Variants in SLC38A1 observed in about 807,000 individuals in gnomAD.
SLC38A1 encodes solute carrier family 38 member 1, also known as sodium-coupled neutral amino acid symporter 1.
A neutral mutation model predicts 60.3 loss-of-function variants in SLC38A1; 18 were observed. That is an observed-to-expected ratio of 0.30 (90% confidence interval 0.21 to 0.44). SLC38A1 has a LOEUF of 0.44. SLC38A1 is among the 20% of genes least tolerant of loss of function. SLC38A1 has a pLI of 1.00. For missense variants in SLC38A1, 448 were observed against 587.2 expected (o/e 0.76, Z 2.45); for synonymous variants, 196 against 212.1 (o/e 0.92, Z 0.66).
intron 5 of SLC38A1, among the ~76,000 whole-genome samples, chr12:46,222,514 G>A (rs572320062): frequency 6.6e-6 from 1 of 152,210 alleles, no homozygotes; most frequent in East Asian, 1.9e-4. Flanking sequence ...CAGTAACATA[G>A]TGCTACACAC....
chr12:46,262,060 G>C (rs1275034660), intron 1 of SLC38A1, among the ~76,000 whole-genome samples: 1 of 152,216 alleles, frequency 6.6e-6, no homozygotes, highest in Non-Finnish European at 1.5e-5. Context: ...GCTCACAGGG[G>C]ATGAGTATGG....
Position 46,197,754 on chromosome 12 carries a change from T to A in SLC38A1, c.1328A>T (p.Asp443Val), listed in dbSNP as rs780359330. 1.9e-6 allele frequency: 3 copies of A among 1,602,812 alleles called. No individual in the cohort carries two copies. In the South Asian group the frequency reaches 3.4e-5, roughly 18 times the overall value. The change falls in exon 16 of 17, where the codon GAC (aspartate) becomes GTC (valine). Residue 443 changes from aspartate (D) to valine (V), a missense_variant. Asp to Val is a radical substitution (Grantham distance 152, BLOSUM62 -3). This residue lies in a region of SLC38A1 where 346 missense variants were observed against 497.5 expected (regional missense o/e 0.70). Transcript: ENST00000398637. Reference protein sequence around the residue: ...LPSSLYLKITDQDGDKGTQRI... With the variant: ...LPSSLYLKITVQDGDKGTQRI... Reference sequence around the variant, plus strand: ...TTGAGTTCCTTTATCTCCATCCTGGTCTGTGATTTTTAAATAAAGAGATGA... The same window carrying A: ...TTGAGTTCCTTTATCTCCATCCTGGACTGTGATTTTTAAATAAAGAGATGA...
At chr12:46,232,577 C>CT (rs1409489035) in intron 3 of SLC38A1, among the ~76,000 whole-genome samples, 1 of 152,232 alleles carries the variant, frequency 6.6e-6, no homozygotes, top group African/African-American at 2.4e-5. Flanking sequence ...GCAGCCTTCC[C>CT]TTTCACACAG....
At chr12:46,213,519 G>C (rs1273187438) in intron 5 of SLC38A1, among the ~76,000 whole-genome samples, 4 of 152,178 alleles carry the variant, frequency 2.6e-5, no homozygotes, top group Non-Finnish European at 5.9e-5. Flanking sequence ...AAGACCATCT[G>C]GAAATGGCCC....
At position 46,239,662 on chromosome 12, in the gene SLC38A1, A is replaced by G. The variant is rs774571119; in HGVS notation, c.122+17T>C. 1.2e-6 allele frequency: 2 copies of G among 1,613,180 alleles called. No individual in the cohort carries two copies. The highest frequency in any genetic ancestry group is 1.1e-5 in the South Asian group (1 of 91,054). On this transcript the variant is annotated intron_variant, in intron 3 of 16. Coordinates refer to ENST00000398637, the MANE Select transcript of SLC38A1 (RefSeq NM_030674.4). ...ATTTCTTTCACTGGATAGAAATGTT[A>G]GTGGAAAAATACTCACCTATTTATC...
chr12:46,261,381 A>G (rs1337581153), intron 1 of SLC38A1, among the ~76,000 whole-genome samples: 1 of 152,238 alleles, frequency 6.6e-6, no homozygotes, highest in Admixed American at 6.5e-5. Context: ...CTCATATTTC[A>G]GTAATCTTTT....
Position 46,184,451 on chromosome 12 carries a change from T to A in SLC38A1, c.*4519A>T, listed in dbSNP as rs1023145128. 2.6e-5 allele frequency: 4 copies of A among 152,176 alleles called. No homozygotes were observed. Among genetic ancestry groups the A allele is most frequent in the African/African-American group, 9.7e-5 (4 of 41,440 alleles). The allele number at this position is 152,176 out of a possible 1,614,324, so 9.4% of individuals were successfully genotyped here. Reference sequence around the variant, plus strand: ...ATATTCTTAAAGTTTACACCCCCTATAAGCCTAAAGCCATTTAAATTGATA... The same window carrying A: ...ATATTCTTAAAGTTTACACCCCCTAAAAGCCTAAAGCCATTTAAATTGATA... On this transcript the variant is annotated 3_prime_UTR_variant, in exon 17 of 17. Transcript: ENST00000398637.
chr12:46,257,692 C>T lies in SLC38A1; in HGVS notation c.-209+10834G>A, dbSNP rs111655817. On this transcript the variant is annotated intron_variant, in intron 1 of 16. Transcript: ENST00000398637. ...GGTGGCCAGAAAGATGTCACAGGAC[C>T]CCACCACTTACCCAAAGCTAGCCTT... Among the ~76,000 whole-genome samples the T allele has an allele frequency of 1.5e-3, 232 of 152,242 alleles. 2 individuals are homozygous for T. Among genetic ancestry groups the T allele is most frequent in the African/African-American group, 5.1e-3 (213 of 41,534 alleles).
chr12:46,236,133 A>G (rs1309238813), intron 3 of SLC38A1, among the ~76,000 whole-genome samples: 2 of 152,210 alleles, frequency 1.3e-5, no homozygotes, highest in Non-Finnish European at 2.9e-5. Context: ...TATTTTCACA[A>G]TAATTATATG....
intron 1 of SLC38A1, among the ~76,000 whole-genome samples, chr12:46,262,604 C>G (rs1184244301): frequency 6.6e-6 from 1 of 152,092 alleles, no homozygotes; most frequent in Non-Finnish European, 1.5e-5. Context: ...TATTTCTGAT[C>G]AAGGATTGCT....
intron 1 of SLC38A1, among the ~76,000 whole-genome samples, chr12:46,266,206 G>A (rs1394691991): frequency 1.3e-5 from 2 of 152,142 alleles, no homozygotes; most frequent in East Asian, 1.9e-4. Context: ...CTGGACATTA[G>A]AGGAACAATG....
chr12:46,255,711 T>C (rs1015356851), intron 1 of SLC38A1, among the ~76,000 whole-genome samples: 7 of 152,236 alleles, frequency 4.6e-5, no homozygotes, highest in Admixed American at 4.6e-4. Context: ...GGGATTTTAA[T>C]TATGTACTAG....
intron 16 of SLC38A1, among the ~76,000 whole-genome samples, chr12:46,194,501 C>G (rs1939281134): frequency 6.6e-6 from 1 of 152,176 alleles, no homozygotes; most frequent in Non-Finnish European, 1.5e-5. Flanking sequence ...TGGGGAAGTT[C>G]TCCTCGATAG....
At chr12:46,208,765 A>G (rs1158815506) in intron 6 of SLC38A1, among the ~76,000 whole-genome samples, 2 of 152,198 alleles carry the variant, frequency 1.3e-5, no homozygotes, top group African/African-American at 4.8e-5. Flanking sequence ...CCTAAGGAAA[A>G]ACAAGCTTTT....
rs1939464015 is a variant in SLC38A1, at chr12:46,197,986, T to A, written c.1197A>T (p.Ile399=). Residue 399 remains isoleucine, a synonymous_variant, in exon 15 of 17, where the codon ATA becomes ATT. Transcript: ENST00000398637. Reference sequence around the variant, plus strand: ...CCAACAAGTTGATAACAACCAAGAGTATGCAGGTAACCACGGTATGACGAC... The same window carrying A: ...CCAACAAGTTGATAACAACCAAGAGAATGCAGGTAACCACGGTATGACGAC... ...NLCRHTVVTC[I]LLVVINLLVI... 1 of 1,613,774 alleles carries A rather than the reference T, an allele frequency of 6.2e-7. No individual in the cohort carries two copies. The highest frequency in any genetic ancestry group is 1.7e-5 in the Admixed American group (1 of 59,992).
At chr12:46,237,185 G>T (rs1467618213) in intron 3 of SLC38A1, among the ~76,000 whole-genome samples, 2 of 152,200 alleles carry the variant, frequency 1.3e-5, no homozygotes, top group African/African-American at 4.8e-5. Flanking sequence ...CTTCCTAAAA[G>T]TTCACTGTTT....
intron 16 of SLC38A1, among the ~76,000 whole-genome samples, chr12:46,189,966 C>G (rs186060142): frequency 6.6e-6 from 1 of 151,902 alleles, no homozygotes; most frequent in East Asian, 1.9e-4. Flanking sequence ...ACTTTAAGTT[C>G]TAGGGTACAT....
intron 5 of SLC38A1, among the ~76,000 whole-genome samples, chr12:46,220,522 T>C (rs1040406237): frequency 3.9e-5 from 6 of 152,224 alleles, no homozygotes; most frequent in African/African-American, 1.4e-4. Flanking sequence ...GCTCTGTCTT[T>C]AGATCACAAG....
intron 1 of SLC38A1, among the ~76,000 whole-genome samples, chr12:46,244,224 AG>A (rs913935435): frequency 6.6e-6 from 1 of 152,232 alleles, no homozygotes; most frequent in African/African-American, 2.4e-5. Flanking sequence ...AGGAGAGATC[AG>A]GTAAGTCTTA....
Sources: gnomAD v4.1 joint callset for allele counts (sites outside exome capture counted in the v4.1 genomes callset) on GRCh38, gnomAD v4.1.1 for gene constraint, gnomAD v4.1.1 regional missense constraint, MANE v1.5 for transcripts, NCBI Gene and HGNC (gene_info 2026-07-23, HGNC 2026-07-21) for gene names.